The following SLC6A11 variants were observed in gnomAD, a reference collection of about 807,000 sequenced individuals.
SLC6A11 encodes solute carrier family 6 member 11.
A neutral mutation model predicts 74.8 loss-of-function variants in SLC6A11; 25 were observed. The ratio of observed to expected loss-of-function variants is 0.33; its 90% CI spans 0.24 to 0.47. SLC6A11 has a LOEUF of 0.47. Ranked by LOEUF, SLC6A11 falls within the 20% of genes least tolerant of loss-of-function variation. The probability of loss-of-function intolerance (pLI) is 1.00; values close to 1 mark genes in which losing one functional copy is unlikely to be tolerated. For synonymous variants in SLC6A11, 330 were observed against 330.2 expected, an observed-to-expected ratio of 1.00 and a Z score of 0.01; for missense variants, 574 against 837.0, an observed-to-expected ratio of 0.69 and a Z score of 3.88.
chr3:10,848,121 C>T (rs1158730331), intron 5 of SLC6A11, among the ~76,000 whole-genome samples: 1 of 152,198 alleles, frequency 6.6e-6, no homozygotes. Context: ...CTTCCTATCT[C>T]CAAGGAATAT....
At chr3:10,924,567 TG>T (rs1695577741) in intron 8 of SLC6A11, among the ~76,000 whole-genome samples, 1 of 152,112 alleles carries the variant, frequency 6.6e-6, no homozygotes, top group South Asian at 2.1e-4. Flanking sequence ...AGCCACAGAC[TG>T]GGAGAAAATA....
chr3:10,929,828 A>G (rs1695661825), intron 10 of SLC6A11, among the ~76,000 whole-genome samples: 1 of 152,146 alleles, frequency 6.6e-6, no homozygotes. Flanking sequence ...CCCTCTTCTC[A>G]TTGTCCCTGC....
chr3:10,877,481 C>T (rs1694923753), intron 6 of SLC6A11, among the ~76,000 whole-genome samples: 1 of 152,156 alleles, frequency 6.6e-6, no homozygotes, highest in South Asian at 2.1e-4. Context: ...GGGTTTCTGC[C>T]CAGAGAAGCC....
chr3:10,913,349 CA>C (rs1351697750), intron 7 of SLC6A11, among the ~76,000 whole-genome samples: 2 of 152,140 alleles, frequency 1.3e-5, no homozygotes, highest in Non-Finnish European at 2.9e-5. Flanking sequence ...GAAAGAAACA[CA>C]AAAACTATTC....
At chr3:10,835,176 G>A (rs1327968366) in intron 4 of SLC6A11, among the ~76,000 whole-genome samples, 2 of 152,136 alleles carry the variant, frequency 1.3e-5, no homozygotes, top group African/African-American at 4.8e-5. Flanking sequence ...CTGAGCTTTC[G>A]GCTGCTCCTT....
chr3:10,829,623 G>A (rs1257105396), intron 4 of SLC6A11, among the ~76,000 whole-genome samples: 1 of 152,176 alleles, frequency 6.6e-6, no homozygotes, highest in Non-Finnish European at 1.5e-5. Context: ...CTCCTGTCAA[G>A]TGTGTGACCC....
intron 6 of SLC6A11, among the ~76,000 whole-genome samples, chr3:10,898,107 A>G (rs116797864): frequency 0.066 from 10,114 of 152,268 alleles, 368 homozygotes; most frequent in East Asian, 0.086. Flanking sequence ...CATGTCCCCA[A>G]GCTGCAGACA....
chr3:10,862,110 T>TC (rs1186532587), intron 5 of SLC6A11, among the ~76,000 whole-genome samples: 4 of 152,128 alleles, frequency 2.6e-5, no homozygotes, highest in South Asian at 4.2e-4. Context: ...TCTGGCAGTG[T>TC]CCCCCCACTG....
At chr3:10,922,495 A>C (rs12634953) in intron 8 of SLC6A11, among the ~76,000 whole-genome samples, 6,826 of 152,224 alleles carry the variant, frequency 0.045, 310 homozygotes, top group East Asian at 0.16. Context: ...AGAAGAGAAA[A>C]TATGTCTACT....
At chr3:10,841,701 T>C (rs934686302) in intron 4 of SLC6A11, among the ~76,000 whole-genome samples, 1 of 152,246 alleles carries the variant, frequency 6.6e-6, no homozygotes, top group South Asian at 2.1e-4. Context: ...AGCCAGTTTG[T>C]ACCTGGCGGG....
At chr3:10,884,622 A>C (rs989467075) in intron 6 of SLC6A11, among the ~76,000 whole-genome samples, 2 of 151,850 alleles carry the variant, frequency 1.3e-5, no homozygotes, top group Non-Finnish European at 2.9e-5. Context: ...GATTTTCCTG[A>C]CCTCTCTCTA....
At chr3:10,934,831 C>G (rs1695737089) in intron 12 of SLC6A11, among the ~76,000 whole-genome samples, 198 bp from the exon 13 acceptor site, 1 of 152,228 alleles carries the variant, frequency 6.6e-6, no homozygotes, top group Non-Finnish European at 1.5e-5. Flanking sequence ...GCATCTGTTG[C>G]CTGTGGAATG....
At chr3:10,887,066 C>T (rs951538933) in intron 6 of SLC6A11, among the ~76,000 whole-genome samples, 2 of 151,950 alleles carry the variant, frequency 1.3e-5, no homozygotes, top group African/African-American at 2.4e-5. Flanking sequence ...AATGTATGGA[C>T]AGATGGATGG....
Position 10,816,333 on chromosome 3 carries a change from C to T in SLC6A11, c.68C>T (p.Ala23Val), listed in dbSNP as rs1694055547. The change falls in exon 1 of 14, where the codon GCG (alanine) becomes GTG (valine). Residue 23 changes from alanine to valine, a missense_variant. Coordinates refer to ENST00000254488, the MANE Select transcript of SLC6A11 (RefSeq NM_014229.3). This position sits in a 1 kb window ranked among gnomAD's most constrained non-coding sequence, Gnocchi z 4.2. Reference sequence around the variant, plus strand: ...GCTGAGGAGGCGCGGGAGTCCGAGGCGCCGGGTGGCGGCTGCAGCAGCGGG... The same window carrying T: ...GCTGAGGAGGCGCGGGAGTCCGAGGTGCCGGGTGGCGGCTGCAGCAGCGGG... ...KAAEEARESE[A>V]PGGGCSSGGA... The T allele has an allele frequency of 2.8e-6, 4 of 1,414,614 alleles. No individual in the cohort carries two copies. Among genetic ancestry groups the T allele is most frequent in the Non-Finnish European group, 2.8e-6 (3 of 1,087,810 alleles). 87.6% of individuals were successfully genotyped at this position (1,414,614 alleles called of 1,614,324 possible).
At chr3:10,851,234 G>T (rs1284150220) in intron 5 of SLC6A11, among the ~76,000 whole-genome samples, 3 of 152,036 alleles carry the variant, frequency 2.0e-5, no homozygotes, top group Non-Finnish European at 4.4e-5. Context: ...AGCAGTGACT[G>T]GGAGGGGAGG....
At chr3:10,844,589 T>A (rs542555882) in intron 5 of SLC6A11, among the ~76,000 whole-genome samples, 1 of 152,306 alleles carries the variant, frequency 6.6e-6, no homozygotes, top group East Asian at 1.9e-4. Flanking sequence ...AGCCTTGCCC[T>A]GTCTGTCTTA....
chr3:10,844,475 G>A, intron 5 of SLC6A11, 129 bp downstream of exon 5: 2 of 1,106,836 alleles, frequency 1.8e-6, no homozygotes, highest in Non-Finnish European at 2.6e-6. Context: ...AGGAACACTG[G>A]ACCAGAGTGA....
At chr3:10,912,815 C>A (rs947302262) in intron 7 of SLC6A11, among the ~76,000 whole-genome samples, 2 of 152,068 alleles carry the variant, frequency 1.3e-5, no homozygotes, top group Non-Finnish European at 2.9e-5. Flanking sequence ...TCACCCAGCT[C>A]TGTGTGGTGG....
chr3:10,876,647 G>A (rs1559568278), intron 6 of SLC6A11, among the ~76,000 whole-genome samples: 2 of 149,514 alleles, frequency 1.3e-5, no homozygotes, highest in Middle Eastern at 3.4e-3. Flanking sequence ...TGGCACCTGG[G>A]CATCCATATT....
Sources: allele counts gnomAD v4.1 joint callset (sites outside exome capture counted in the v4.1 genomes callset), GRCh38; gene constraint gnomAD v4.1.1; non-coding constraint Gnocchi (gnomAD v3.1); transcripts MANE v1.5; gene names NCBI Gene and HGNC (gene_info 2026-07-23, HGNC 2026-07-21).